Variants in MALRD1 observed in about 807,000 individuals in gnomAD.
The protein encoded by MALRD1 is MAM and LDL receptor class A domain containing 1, also known as MAM and LDL-receptor class A domain-containing protein 1.
A neutral mutation model predicts 242.1 loss-of-function variants in MALRD1; 247 were observed. The observed-to-expected ratio is 1.02, with a 90% CI of 0.92 to 1.13. The LOEUF is 1.13. Among genes scored for constraint, MALRD1 ranks in the 50% most tolerant of loss-of-function variants. The pLI is 0.00. For missense variants in MALRD1, 2,989 were observed against 2,533.1 expected (o/e 1.18, Z -3.86); for synonymous variants, 995 against 866.6 (o/e 1.15, Z -2.60).
At chr10:19,599,285 G>A (rs903194564) in intron 34 of MALRD1, among the ~76,000 whole-genome samples, 3 of 152,180 alleles carry the variant, frequency 2.0e-5, no homozygotes, top group African/African-American at 7.2e-5. Context: ...TATTTTTGCA[G>A]AAATAATTTT....
chr10:19,189,236 A>G (rs1835871794), intron 14 of MALRD1, among the ~76,000 whole-genome samples: 1 of 152,174 alleles, frequency 6.6e-6, no homozygotes, highest in Admixed American at 6.5e-5. Context: ...CTAGAAATGT[A>G]AAACCTACCA....
Position 19,182,324 on chromosome 10 carries a change from A to ATTTTTTTTTTTTT in MALRD1, c.1951+7008_1951+7020dup, listed in dbSNP as rs34790120. Among the ~76,000 whole-genome samples the ATTTTTTTTTTTTT allele has an allele frequency of 4.9e-5, 4 of 81,960 alleles. 1 individual carries two copies. The highest frequency in any genetic ancestry group is 1.5e-4 in the African/African-American group (3 of 20,346). 53.8% of individuals were successfully genotyped at this position (81,960 alleles called of 152,430 possible). On this transcript the variant is annotated intron_variant, in intron 14 of 39. Transcript: ENST00000454679. Reference sequence around the variant, plus strand: ...AACACAGTCTGCCTCCAAAACCTACATTTTTTTTTTTTTTTTTTTTTTTTG... The same window carrying ATTTTTTTTTTTTT: ...AACACAGTCTGCCTCCAAAACCTACATTTTTTTTTTTTTTTTTTTTTTTTTTTTTTTTTTTTTG...
chr10:19,058,401 C>A (rs1834728842), intron 1 of MALRD1, among the ~76,000 whole-genome samples: 1 of 152,078 alleles, frequency 6.6e-6, no homozygotes, highest in Non-Finnish European at 1.5e-5. Context: ...ATCTTTATTG[C>A]CTCTAATAAT....
intron 33 of MALRD1, among the ~76,000 whole-genome samples, chr10:19,589,235 T>C (rs1158879482): frequency 2.0e-5 from 3 of 152,166 alleles, no homozygotes; most frequent in Non-Finnish European, 4.4e-5. Context: ...GATAGCTCAA[T>C]ACCAACATTG....
intron 21 of MALRD1, among the ~76,000 whole-genome samples, chr10:19,305,586 G>T (rs1202135117): frequency 6.6e-6 from 1 of 150,864 alleles, no homozygotes; most frequent in East Asian, 2.0e-4. Context: ...TGGGCAGCTT[G>T]ACTGATGATC....
At chr10:19,447,069 G>T (rs5783677) in intron 28 of MALRD1, among the ~76,000 whole-genome samples, 76 of 141,894 alleles carry the variant, frequency 5.4e-4, no homozygotes, top group African/African-American at 1.6e-3. Context: ...CACATACACA[G>T]ACACACACAC....
chr10:19,209,391 A>C lies in MALRD1; in HGVS notation c.2702A>C (p.Asp901Ala). The C allele has an allele frequency of 6.4e-7, 1 of 1,551,078 alleles. No homozygotes were observed. Among genetic ancestry groups the C allele is most frequent in the East Asian group, 2.4e-5 (1 of 40,918 alleles). ...TPTLNTGPMK[D>A]NTLGTAKGHY... ...ACACTTAACACAGGGCCAATGAAAG[A>C]TAACACTCTGGGCACAGCTAAAGGA... Residue 901 changes from aspartate (D) to alanine (A), a missense_variant, in exon 18 of 40, where the codon GAT (aspartate) becomes GCT (alanine). Physicochemically the swap from Asp to Ala is moderately radical, Grantham distance 126. Transcript: ENST00000454679.
intron 1 of MALRD1, 59 bp from the exon 2 acceptor site, chr10:19,066,660 C>G: frequency 8.4e-7 from 1 of 1,186,348 alleles, no homozygotes; most frequent in South Asian, 4.3e-5. Context: ...CTGCTATTGT[C>G]TTATTTTTTA....
chr10:19,275,624 G>T (rs185152835), intron 19 of MALRD1, among the ~76,000 whole-genome samples: 1 of 151,938 alleles, frequency 6.6e-6, no homozygotes, highest in Non-Finnish European at 1.5e-5. Context: ...AGTGGAGATC[G>T]CGACACTGCA....
At chr10:19,063,153 A>G (rs11596472) in intron 1 of MALRD1, among the ~76,000 whole-genome samples, 9,405 of 151,806 alleles carry the variant, frequency 0.062, 392 homozygotes, top group Non-Finnish European at 0.092. Flanking sequence ...CCCCCCCCCA[A>G]AAAAAAAGTT....
intron 28 of MALRD1, among the ~76,000 whole-genome samples, chr10:19,390,161 C>G (rs567473260): frequency 6.6e-6 from 1 of 152,196 alleles, no homozygotes; most frequent in South Asian, 2.1e-4. Context: ...AGTAATTAAT[C>G]TAGGACACAT....
intron 28 of MALRD1, among the ~76,000 whole-genome samples, chr10:19,405,488 C>T (rs1467129503): frequency 6.6e-6 from 1 of 152,110 alleles, no homozygotes; most frequent in Non-Finnish European, 1.5e-5. Context: ...TGATCATCTG[C>T]TATAATCAAC....
At chr10:19,723,343 G>A (rs1054435413) in intron 38 of MALRD1, among the ~76,000 whole-genome samples, 1 of 152,116 alleles carries the variant, frequency 6.6e-6, no homozygotes, top group African/African-American at 2.4e-5. Context: ...TTTTGACACT[G>A]AAGTTTTATA....
chr10:19,471,880 T>C (rs1236770150), intron 29 of MALRD1, among the ~76,000 whole-genome samples: 1 of 151,910 alleles, frequency 6.6e-6, no homozygotes, highest in Non-Finnish European at 1.5e-5. Flanking sequence ...CAGAGACAAC[T>C]TTACTTTTTC....
chr10:19,263,375 C>G (rs570143442), intron 19 of MALRD1, among the ~76,000 whole-genome samples: 3 of 152,250 alleles, frequency 2.0e-5, no homozygotes, highest in Non-Finnish European at 2.9e-5. Context: ...TTTTGATTTG[C>G]ATTTTCCTGA....
At chr10:19,334,436 C>T (rs182088102) in intron 24 of MALRD1, among the ~76,000 whole-genome samples, 22 of 151,052 alleles carry the variant, frequency 1.5e-4, no homozygotes, top group Non-Finnish European at 4.4e-5. Flanking sequence ...ATGTTTTTAC[C>T]ACCAAGAGAT....
intron 18 of MALRD1, among the ~76,000 whole-genome samples, chr10:19,235,671 C>G (rs1838288348): frequency 6.7e-6 from 1 of 149,700 alleles, no homozygotes; most frequent in Admixed American, 6.7e-5. Context: ...CTTTCTAGTA[C>G]AGAATGAATG....
rs1024242457 is a variant in MALRD1 at position 19,595,252 on chromosome 10, A to T, written c.5739A>T (p.Thr1913=). 2.6e-6 allele frequency: 4 copies of T among 1,550,326 alleles called. No homozygotes were observed. Among genetic ancestry groups the T allele is most frequent in the Admixed American group, 3.9e-5 (2 of 50,956 alleles). The change falls in exon 34 of 40, where the codon ACA becomes ACT. Residue 1913 remains threonine, a synonymous_variant. Coordinates refer to ENST00000454679, the MANE Select transcript of MALRD1 (RefSeq NM_001142308.3). ...CTGATCAGTTTTCTTGTATCTACAC[A>T]CTCCAATGTGTCCCTCTCTCAGGGA... ...CEADQFSCIY[T]LQCVPLSGKC...
chr10:19,562,258 G>C (rs11010357), intron 32 of MALRD1, among the ~76,000 whole-genome samples: 6,381 of 152,134 alleles, frequency 0.042, 212 homozygotes, highest in Middle Eastern at 0.1. Flanking sequence ...TCGCGCCACT[G>C]TACTCCAGCC....
Sources: gnomAD v4.1 joint callset for allele counts (sites outside exome capture counted in the v4.1 genomes callset) on GRCh38, gnomAD v4.1.1 for gene constraint, MANE v1.5 for transcripts, NCBI Gene and HGNC (gene_info 2026-07-23, HGNC 2026-07-21) for gene names.